The following LRRC56 variants were observed in gnomAD, a reference collection of about 807,000 sequenced individuals.
LRRC56 encodes leucine-rich repeat-containing protein 56.
In LRRC56, 41 loss-of-function variants were observed where a neutral mutation model predicts 47.8. The observed-to-expected ratio is 0.86, with a 90% CI of 0.67 to 1.11. LRRC56 has a LOEUF of 1.11. Ranked by LOEUF, LRRC56 falls within the 50% of genes most tolerant of loss-of-function variation. The probability of loss-of-function intolerance (pLI) is 0.00; values close to 1 mark genes in which losing one functional copy is unlikely to be tolerated. For missense variants in LRRC56, 759 were observed against 704.2 expected (o/e 1.08, Z -0.88); for synonymous variants, 387 against 311.2 (o/e 1.24, Z -2.56).
chr11:541,739 G>C lies in LRRC56; in HGVS notation c.265+115G>C, dbSNP rs1197541877. 1.5e-6 allele frequency: 1 copy of C among 647,992 alleles called. No individual in the cohort carries two copies. Among genetic ancestry groups the C allele is most frequent in the Non-Finnish European group, 2.5e-6 (1 of 395,974 alleles). 40.1% of individuals were successfully genotyped at this position (647,992 alleles called of 1,614,324 possible). The stretch of plus-strand genomic sequence containing the variant: ...TCCTCACCTCTCGGGCCGCGTATCG[G>C]CTTCCTTAGGGTTGGCCTCTGACCT... On this transcript the variant is annotated intron_variant, in intron 5 of 13. Coordinates refer to ENST00000270115, the MANE Select transcript of LRRC56 (RefSeq NM_198075.4). The surrounding 1 kb of genome is among the most constrained non-coding windows in gnomAD (Gnocchi z 4.1).
intron 5 of LRRC56, 33 bp from the exon 6 acceptor site, chr11:544,687 C>T (rs1367489006): frequency 2.5e-6 from 4 of 1,610,360 alleles, no homozygotes; most frequent in African/African-American, 1.3e-5. Context: ...GGGTGAGGGG[C>T]CGGGCCAACC....
At chr11:528,387 G>C in the LRRC56 span, 7 of 152,294 alleles carry the variant, frequency 4.6e-5, no homozygotes, top group African/African-American at 1.7e-4. Context: ...CGGCAGCCCA[G>C]CAGGGCCTGT....
chr11:522,296 C>T, the LRRC56 span, among the ~76,000 whole-genome samples: 2 of 151,924 alleles, frequency 1.3e-5, no homozygotes, highest in African/African-American at 4.8e-5. Context: ...GACAGAGTCT[C>T]ACTCTGTCGC....
At chr11:512,266 C>T in the LRRC56 span, among the ~76,000 whole-genome samples, 75 of 150,430 alleles carry the variant, frequency 5.0e-4, no homozygotes, top group Middle Eastern at 7.1e-3. Context: ...GATGGAGTCT[C>T]GCTCTGTCGC....
At chr11:532,311 G>T in the LRRC56 span, 3 of 497,586 alleles carry the variant, frequency 6.0e-6, no homozygotes, top group Non-Finnish European at 1.1e-5. Flanking sequence ...CCTGGGAGGG[G>T]AGCTAAGGGC....
At chr11:533,760 G>T (rs878854758), upstream of LRRC56, 7 of 1,613,226 alleles carry the variant, frequency 4.3e-6, no homozygotes, top group East Asian at 2.2e-5. Flanking sequence ...GCCTCACGGG[G>T]TTCACCTGTA....
intron 13 of LRRC56, among the ~76,000 whole-genome samples, chr11:552,907 C>T (rs1852491707): frequency 6.6e-6 from 1 of 152,234 alleles, no homozygotes; most frequent in Non-Finnish European, 1.5e-5. Flanking sequence ...TCTCCCAAGC[C>T]ACGGTCCAAT....
rs189194517 is a variant in LRRC56, at chr11:546,139, A to G, written c.326+1359A>G. On this transcript the variant is annotated intron_variant, in intron 6 of 13. Transcript: ENST00000270115. The stretch of plus-strand genomic sequence containing the variant: ...TACAAAATTAGCCGTGCATGGTGGC[A>G]CATGCCTGTAACCCCAGCTGCTCAG... Among the ~76,000 whole-genome samples, 44 of 152,252 alleles carry G rather than the reference A, an allele frequency of 2.9e-4. 1 individual carries two copies. The highest frequency in any genetic ancestry group is 1.2e-3 in the East Asian group (6 of 5,186).
At position 550,003 on chromosome 11, in the gene LRRC56, G is replaced by A. The variant is rs1411030054; in HGVS notation, c.423+5G>A. On this transcript the variant is annotated splice_donor_5th_base_variant and intron_variant, in intron 7 of 13. Coordinates refer to ENST00000270115, the MANE Select transcript of LRRC56 (RefSeq NM_198075.4). ...GCCTCTTTGCCAGCACTTAAGGTGA[G>A]TCTGGGCACCCTGGGCTGGGGAGGC... The A allele has an allele frequency of 1.9e-6, 3 of 1,612,472 alleles. No individual in the cohort carries two copies. Among genetic ancestry groups the A allele is most frequent in the Admixed American group, 1.7e-5 (1 of 59,974 alleles).
At chr11:543,883 G>C (rs1168769772) in intron 5 of LRRC56, among the ~76,000 whole-genome samples, 2 of 152,184 alleles carry the variant, frequency 1.3e-5, no homozygotes, top group Non-Finnish European at 2.9e-5. Flanking sequence ...CGTGTAGCTG[G>C]GACTACAGGC....
the LRRC56 span, among the ~76,000 whole-genome samples, chr11:523,652 G>T: frequency 6.0e-5 from 9 of 150,860 alleles, no homozygotes; most frequent in South Asian, 2.1e-4. Flanking sequence ...GGGTTGGGGG[G>T]CCGGGCGCGG....
Position 552,095 on chromosome 11 carries a change from G to A in LRRC56, c.1044G>A (p.Arg348=). The change falls in exon 12 of 14, where the codon AGG becomes AGA. Residue 348 remains arginine (R), a synonymous_variant. Coordinates refer to ENST00000270115, the MANE Select transcript of LRRC56 (RefSeq NM_198075.4). ...CAGTCCCTTTTCCTCCCCAGGCCAGGGAGCCCCCCGAGCAGCTGCCCCAAC... is the reference window on the plus strand; with the variant it reads ...CAGTCCCTTTTCCTCCCCAGGCCAGAGAGCCCCCCGAGCAGCTGCCCCAAC... The part of the protein sequence containing the change: ...LRERRHQCQA[R]EPPEQLPQHR... The A allele has an allele frequency of 6.2e-7, 1 of 1,610,496 alleles. No individual in the cohort carries two copies. The highest frequency in any genetic ancestry group is 1.3e-5 in the African/African-American group (1 of 75,002).
At chr11:514,793 G>A in the LRRC56 span, among the ~76,000 whole-genome samples, 1 of 152,154 alleles carries the variant, frequency 6.6e-6, no homozygotes, top group African/African-American at 2.4e-5. Flanking sequence ...CCTCCGACTG[G>A]CTTTATTGCG....
At position 551,838 on chromosome 11, in the gene LRRC56, T is replaced by C. The variant is rs776244077; in HGVS notation, c.973+11T>C. 8.7e-6 allele frequency: 14 copies of C among 1,606,880 alleles called. 1 individual carries two copies. The South Asian group carries it at 1.4e-4, about 16-fold the overall frequency. On this transcript the variant is annotated intron_variant, in intron 10 of 13. Transcript: ENST00000270115. Reference sequence around the variant, plus strand: ...GCAGCCTCACCCATGGTAACTGACTTGCCTCAAAGCTGACCCTGCAGCCCC... The same window carrying C: ...GCAGCCTCACCCATGGTAACTGACTCGCCTCAAAGCTGACCCTGCAGCCCC...
Position 554,235 on chromosome 11 carries a change from A to G in LRRC56, c.1588A>G (p.Arg530Gly). ...PAPDAAARPP[R>G]AAELSHPSPV... ...ACCAGATGCAGCAGCTAGACCTCCC[A>G]GGGCAGCTGAACTCTCTCACCCCAG... Residue 530 changes from arginine (R) to glycine (G), a missense_variant, in exon 14 of 14, where the codon AGG becomes GGG. Physicochemically the swap from Arg to Gly is moderately radical, Grantham distance 125. Coordinates refer to ENST00000270115, the MANE Select transcript of LRRC56 (RefSeq NM_198075.4). The G allele has an allele frequency of 6.6e-7, 1 of 1,513,740 alleles. No individual in the cohort carries two copies. Among genetic ancestry groups the G allele is most frequent in the South Asian group, 1.3e-5 (1 of 77,574 alleles). 93.8% of individuals were successfully genotyped at this position (1,513,740 alleles called of 1,614,324 possible).
At chr11:536,245 G>C (rs991465476), upstream of LRRC56, among the ~76,000 whole-genome samples, 3 of 152,230 alleles carry the variant, frequency 2.0e-5, no homozygotes, top group Admixed American at 6.5e-5. Flanking sequence ...TCTTTCTCGG[G>C]CCTGCGTGGC....
rs747765793 is a variant in LRRC56 at position 541,641 on chromosome 11, C to A, written c.265+17C>A. 2 of 1,504,786 alleles carry A rather than the reference C, an allele frequency of 1.3e-6. No homozygotes were observed. The highest frequency in any genetic ancestry group is 1.8e-6 in the Non-Finnish European group (2 of 1,108,816). The allele number at this position is 1,504,786 out of a possible 1,614,324, so 93.2% of individuals were successfully genotyped here. A position where few individuals can be genotyped will look rare whatever the true frequency, so the allele number is the denominator to read the frequency against. On this transcript the variant is annotated intron_variant, in intron 5 of 13. Transcript: ENST00000270115. This position sits in a 1 kb window ranked among gnomAD's most constrained non-coding sequence, Gnocchi z 4.1. ...GGAACTTTGGTGAGCCTCTTCCCAC[C>A]CCGCCATGGCCACGGCCACGGCCAC... is the stretch of plus-strand genomic sequence containing the variant.
Position 551,639 on chromosome 11 carries a change from A to G in LRRC56, c.797-12A>G. The G allele has an allele frequency of 6.5e-7, 1 of 1,542,006 alleles. No homozygotes were observed. Among genetic ancestry groups the G allele is most frequent in the African/African-American group, 1.4e-5 (1 of 72,604 alleles). ...TGGGCCTTGGTGACCTCTGCTTCTG[A>G]ACCTCGGGCAGACTGTCCCCGTGGA... On this transcript the variant is annotated splice_polypyrimidine_tract_variant and intron_variant, in intron 9 of 13. Transcript: ENST00000270115.
At chr11:533,746 G>T, upstream of LRRC56, 1 of 1,613,044 alleles carries the variant, frequency 6.2e-7, no homozygotes, top group Non-Finnish European at 8.5e-7. Context: ...GGGCTCCCGG[G>T]CCAGCCTCAC....
Sources: gnomAD v4.1 joint callset for allele counts (sites outside exome capture counted in the v4.1 genomes callset) on GRCh38, gnomAD v4.1.1 for gene constraint, Gnocchi (gnomAD v3.1) non-coding constraint, MANE v1.5 for transcripts, NCBI Gene and HGNC (gene_info 2026-07-23, HGNC 2026-07-21) for gene names.